ERC2: variants seen among roughly 807,000 people sequenced by gnomAD.
The protein encoded by ERC2 is ERC protein 2.
Under a neutral mutation model 114.8 loss-of-function variants are expected in ERC2, and 42 were observed. The observed-to-expected ratio is 0.37, with a 90% CI of 0.29 to 0.47. The LOEUF (loss-of-function observed/expected upper bound fraction) is 0.47, where lower values mean the gene tolerates loss of function less well. ERC2 is among the 20% of genes least tolerant of loss of function. The pLI is 0.99. For synonymous variants in ERC2, 454 were observed against 425.5 expected, an observed-to-expected ratio of 1.07 and a Z score of -0.82; for missense variants, 939 against 1,150.7, an observed-to-expected ratio of 0.82 and a Z score of 2.66.
At chr3:55,736,676 A>G (rs1045752047) in intron 14 of ERC2, among the ~76,000 whole-genome samples, 6 of 152,166 alleles carry the variant, frequency 3.9e-5, no homozygotes, top group African/African-American at 1.4e-4. Flanking sequence ...AGGAAGAGGT[A>G]AGTTCATTTT....
intron 7 of ERC2, among the ~76,000 whole-genome samples, chr3:56,025,288 T>C (rs192508634): frequency 6.6e-6 from 1 of 152,194 alleles, no homozygotes; most frequent in Non-Finnish European, 1.5e-5. Flanking sequence ...TTTTCTACAG[T>C]TGCATAACAA....
At chr3:56,215,470 C>A (rs2150134236) in intron 3 of ERC2, among the ~76,000 whole-genome samples, 1 of 152,300 alleles carries the variant, frequency 6.6e-6, no homozygotes, top group East Asian at 1.9e-4. Flanking sequence ...GCACCCAATA[C>A]AGGAGCACCC....
At chr3:55,568,340 A>T (rs2056502569) in intron 17 of ERC2, among the ~76,000 whole-genome samples, 1 of 152,180 alleles carries the variant, frequency 6.6e-6, no homozygotes. Flanking sequence ...AGTGATGAGG[A>T]GGTAGAAGAG....
At chr3:55,977,055 CT>C (rs1326577295) in intron 12 of ERC2, among the ~76,000 whole-genome samples, 1 of 152,240 alleles carries the variant, frequency 6.6e-6, no homozygotes, top group East Asian at 1.9e-4. Flanking sequence ...GACACTGAAT[CT>C]GTTGGTACCT....
intron 1 of ERC2, among the ~76,000 whole-genome samples, chr3:56,467,905 GAGAAGAA>G (rs1242278046): frequency 6.6e-6 from 1 of 152,084 alleles, no homozygotes; most frequent in East Asian, 2.0e-4. Context: ...GGGGATCTGA[GAGAAGAA>G]AGGCGATGGC....
intron 2 of ERC2, among the ~76,000 whole-genome samples, chr3:56,423,357 C>T (rs1213608835): frequency 1.3e-5 from 2 of 152,240 alleles, no homozygotes; most frequent in Non-Finnish European, 1.5e-5. Flanking sequence ...AGCTAGACAA[C>T]GTCAGGGGCT....
chr3:55,666,570 G>A (rs1193988531), intron 17 of ERC2, among the ~76,000 whole-genome samples: 1 of 152,164 alleles, frequency 6.6e-6, no homozygotes, highest in Non-Finnish European at 1.5e-5. Context: ...CCAACCAGGA[G>A]CCATGTTGCC....
chr3:55,844,849 A>G (rs2061281577), intron 14 of ERC2, among the ~76,000 whole-genome samples: 1 of 152,238 alleles, frequency 6.6e-6, no homozygotes. Context: ...GCTACATCAG[A>G]GGATAAAAAG....
intron 7 of ERC2, among the ~76,000 whole-genome samples, chr3:56,069,779 G>A (rs541720791): frequency 2.8e-4 from 43 of 152,262 alleles, no homozygotes; most frequent in Non-Finnish European, 4.3e-4. Context: ...TAAAAAGGAG[G>A]TATGATAAAA....
chr3:55,528,907 G>C (rs769376204), intron 17 of ERC2, among the ~76,000 whole-genome samples: 1 of 152,156 alleles, frequency 6.6e-6, no homozygotes, highest in African/African-American at 2.4e-5. Flanking sequence ...TGGGGATGGG[G>C]TTGCTCCCGG....
intron 2 of ERC2, among the ~76,000 whole-genome samples, chr3:56,314,103 A>T (rs1258874239): frequency 6.6e-6 from 1 of 152,164 alleles, no homozygotes; most frequent in African/African-American, 2.4e-5. Flanking sequence ...ACTATCCCAA[A>T]TTAAGATCTC....
intron 14 of ERC2, among the ~76,000 whole-genome samples, chr3:55,791,917 G>C (rs999746902): frequency 4.6e-5 from 7 of 152,144 alleles, no homozygotes; most frequent in Admixed American, 4.6e-4. Flanking sequence ...CAAGAGTAAG[G>C]AGTATGTGAA....
Position 55,586,205 on chromosome 3 carries a change from G to A in ERC2, c.*40-74929C>T, listed in dbSNP as rs149578325. ...AGGACCACGGAGAAACCAAGAGGGG[G>A]TTGTATTTTCCCAAAGAGAGGTGGC... On this transcript the variant is annotated intron_variant, in intron 17 of 17. Transcript: ENST00000288221. Among the ~76,000 whole-genome samples the A allele has an allele frequency of 3.3e-3, 503 of 152,290 alleles. 7 individuals carry two copies. The highest frequency in any genetic ancestry group is 0.012 in the African/African-American group (481 of 41,572).
intron 3 of ERC2, among the ~76,000 whole-genome samples, chr3:56,210,110 C>T (rs1384734831): frequency 2.6e-5 from 4 of 152,204 alleles, no homozygotes; most frequent in Non-Finnish European, 5.9e-5. Context: ...CTCATTTCTT[C>T]CTCCTAACTG....
chr3:55,861,435 T>C (rs1409757453), intron 14 of ERC2, among the ~76,000 whole-genome samples: 2 of 152,134 alleles, frequency 1.3e-5, no homozygotes, highest in Non-Finnish European at 2.9e-5. Flanking sequence ...AAAGCAAACA[T>C]AACATGTGGA....
intron 12 of ERC2, among the ~76,000 whole-genome samples, chr3:55,980,099 TA>T (rs1301564235): frequency 7.7e-6 from 1 of 130,452 alleles, no homozygotes; most frequent in Non-Finnish European, 1.6e-5. Flanking sequence ...GCACGAAGTG[TA>T]AATTAGAAAA....
intron 3 of ERC2, among the ~76,000 whole-genome samples, chr3:56,193,958 TAA>T (rs1241337986): frequency 4.6e-5 from 7 of 152,292 alleles, no homozygotes; most frequent in African/African-American, 1.2e-4. Context: ...GGGCTACCAA[TAA>T]ACTGGGACTC....
At chr3:55,536,156 G>A (rs1448781735) in intron 17 of ERC2, among the ~76,000 whole-genome samples, 7 of 152,158 alleles carry the variant, frequency 4.6e-5, no homozygotes, top group Admixed American at 4.6e-4. Context: ...ATACCCACAA[G>A]ACCAAGTCAC....
At chr3:56,410,664 T>C (rs1038580055) in intron 2 of ERC2, among the ~76,000 whole-genome samples, 4 of 152,174 alleles carry the variant, frequency 2.6e-5, no homozygotes, top group African/African-American at 9.7e-5. Flanking sequence ...TGGTGTTTGT[T>C]TGGTTTTGAG....
Sources: allele counts gnomAD v4.1 joint callset (sites outside exome capture counted in the v4.1 genomes callset), GRCh38; gene constraint gnomAD v4.1.1; transcripts MANE v1.5; gene names NCBI Gene and HGNC (gene_info 2026-07-23, HGNC 2026-07-21).